Variants in TMX2 observed in about 807,000 individuals in gnomAD.
The protein encoded by TMX2 is thioredoxin related transmembrane protein 2.
In TMX2, 20 loss-of-function variants were observed where a neutral mutation model predicts 33.4. The observed-to-expected ratio is 0.60, with a 90% CI of 0.42 to 0.87. The LOEUF is 0.87. Among genes scored for constraint, TMX2 ranks in the 40% least tolerant of loss-of-function variants. The pLI, the probability that TMX2 is intolerant of heterozygous loss-of-function variation, is 0.00. For missense variants in TMX2, 340 were observed against 370.7 expected (o/e 0.92, Z 0.68); for synonymous variants, 166 against 140.7 (o/e 1.18, Z -1.27).
chr11:57,739,299 A>AC, intron 7 of TMX2, 39 bp downstream of exon 7: 1 of 1,611,718 alleles, frequency 6.2e-7, no homozygotes, highest in Non-Finnish European at 8.5e-7. Context: ...AGGGTGCAGA[A>AC]CAGTAGGTGG....
At chr11:57,740,078 G>T in intron 7 of TMX2, 21 bp from the exon 8 acceptor site, 1 of 1,613,740 alleles carries the variant, frequency 6.2e-7, no homozygotes, top group Non-Finnish European at 8.5e-7. Flanking sequence ...AGATCCTGAC[G>T]TGTGCATCTC....
intron 1 of TMX2, among the ~76,000 whole-genome samples, chr11:57,725,619 C>G (rs1947926889): frequency 6.6e-6 from 1 of 152,062 alleles, no homozygotes; most frequent in African/African-American, 2.4e-5. Flanking sequence ...TACCTGTAAT[C>G]CCAGCTACTT....
At chr11:57,727,663 C>T (rs1948094396) in intron 1 of TMX2, among the ~76,000 whole-genome samples, 1 of 152,176 alleles carries the variant, frequency 6.6e-6, no homozygotes, top group Non-Finnish European at 1.5e-5. Flanking sequence ...TGAAATTGCC[C>T]TACAAAGTCT....
At chr11:57,712,886 A>C (rs1590888306) in intron 1 of TMX2, 79 bp downstream of exon 1, 1 of 1,524,708 alleles carries the variant, frequency 6.6e-7, no homozygotes. Flanking sequence ...CCTGGGGTTT[A>C]CCTCTCTGAG....
At chr11:57,738,801 A>G (rs1381469370) in intron 5 of TMX2, 31 bp downstream of exon 5, 1 of 1,589,820 alleles carries the variant, frequency 6.3e-7, no homozygotes, top group East Asian at 2.2e-5. Context: ...GATGGTGGAA[A>G]TGGAGATGCT....
intron 1 of TMX2, chr11:57,717,924 C>T: frequency 1.5e-6 from 1 of 660,220 alleles, no homozygotes; most frequent in Non-Finnish European, 2.7e-6. Flanking sequence ...AAGGGAACTG[C>T]AGTGAGAGCA....
rs573490910 is a variant in TMX2 at position 57,713,379 on chromosome 11, T to C, written c.189+572T>C. 3.2e-4 allele frequency among the ~76,000 whole-genome samples: 49 copies of C among 152,326 alleles called. 1 individual carries two copies. In the South Asian group the frequency reaches 9.1e-3, roughly 28 times the overall value. ...ACACTCTAGGCACTCTGCTTGATCC[T>C]GAAGATGCGAAAGTGGATAAAATTT... On this transcript the variant is annotated intron_variant, in intron 1 of 7. Coordinates refer to ENST00000278422, the MANE Select transcript of TMX2 (RefSeq NM_015959.4).
chr11:57,729,747 A>G (rs957204272), intron 1 of TMX2, among the ~76,000 whole-genome samples: 2 of 150,380 alleles, frequency 1.3e-5, no homozygotes, highest in African/African-American at 2.5e-5. Flanking sequence ...CTATATATTT[A>G]TGTGTGTGTA....
At chr11:57,722,340 A>G (rs1246002878) in intron 1 of TMX2, among the ~76,000 whole-genome samples, 2 of 151,986 alleles carry the variant, frequency 1.3e-5, no homozygotes, top group Non-Finnish European at 2.9e-5. Flanking sequence ...AGAAAAAGAT[A>G]AAAGAGTTGA....
At chr11:57,722,161 A>C (rs888988972) in intron 1 of TMX2, among the ~76,000 whole-genome samples, 1 of 152,052 alleles carries the variant, frequency 6.6e-6, no homozygotes, top group Non-Finnish European at 1.5e-5. Flanking sequence ...ATACATGCCC[A>C]GCTAATTTTT....
intron 1 of TMX2, among the ~76,000 whole-genome samples, chr11:57,716,129 G>A (rs1946987646): frequency 6.6e-6 from 1 of 152,096 alleles, no homozygotes; most frequent in Non-Finnish European, 1.5e-5. Context: ...TGGCTGGGCA[G>A]AGGGGCTCCT....
At chr11:57,721,382 CTT>C (rs1333105427) in intron 1 of TMX2, among the ~76,000 whole-genome samples, 1 of 110,650 alleles carries the variant, frequency 9.0e-6, no homozygotes, top group Non-Finnish European at 1.8e-5. Context: ...GAGTTTTGCT[CTT>C]GTTGCCTAGG....
Position 57,738,439 on chromosome 11 carries a change from T to C in TMX2, c.441+9T>C. The C allele has an allele frequency of 6.3e-7, 1 of 1,598,966 alleles. No individual in the cohort carries two copies. The highest frequency in any genetic ancestry group is 8.6e-7 in the Non-Finnish European group (1 of 1,166,730). ...ATGATAAAACCATTGATGTGAGTGC[T>C]CTTTCCCCTTTCTGTTTCTTGGGTC... is the stretch of plus-strand genomic sequence containing the variant. On this transcript the variant is annotated intron_variant, in intron 4 of 7. Coordinates refer to ENST00000278422, the MANE Select transcript of TMX2 (RefSeq NM_015959.4).
At chr11:57,736,056 A>T (rs976023951) in intron 1 of TMX2, among the ~76,000 whole-genome samples, 7 of 152,136 alleles carry the variant, frequency 4.6e-5, no homozygotes. Context: ...GAGGGGGTAT[A>T]AAGAGATGTG....
chr11:57,716,264 ACCCCC>A (rs1173644373), intron 1 of TMX2, among the ~76,000 whole-genome samples: 3 of 56,724 alleles, frequency 5.3e-5, no homozygotes, highest in Non-Finnish European at 1.1e-4. Context: ...CGGGGGGCTG[ACCCCC>A]CCCCACCTCC....
chr11:57,727,706 C>G (rs188823796), intron 1 of TMX2, among the ~76,000 whole-genome samples: 1 of 152,172 alleles, frequency 6.6e-6, no homozygotes, highest in South Asian at 2.1e-4. Context: ...TGTAGAGAAT[C>G]CCCTCTCCCC....
At chr11:57,714,569 C>T (rs1946853410) in intron 1 of TMX2, among the ~76,000 whole-genome samples, 1 of 151,602 alleles carries the variant, frequency 6.6e-6, no homozygotes, top group South Asian at 2.1e-4. Context: ...CTGGTAAGGC[C>T]TTAGGAAAAA....
At chr11:57,719,094 G>A (rs553616406) in intron 1 of TMX2, among the ~76,000 whole-genome samples, 9 of 138,202 alleles carry the variant, frequency 6.5e-5, no homozygotes, top group Non-Finnish European at 1.4e-4. Context: ...GGAGTGCAGT[G>A]GTGCAATCTT....
chr11:57,714,446 T>C (rs1374314848), intron 1 of TMX2, among the ~76,000 whole-genome samples: 1 of 152,218 alleles, frequency 6.6e-6, no homozygotes, highest in Non-Finnish European at 1.5e-5. Flanking sequence ...GGGCAGTCAA[T>C]TGGGAAGATT....
Sources: allele counts gnomAD v4.1 joint callset (sites outside exome capture counted in the v4.1 genomes callset), GRCh38; gene constraint gnomAD v4.1.1; transcripts MANE v1.5; gene names NCBI Gene and HGNC (gene_info 2026-07-23, HGNC 2026-07-21).